LUZP2: variants seen among roughly 807,000 people sequenced by gnomAD.
LUZP2 encodes the protein leucine zipper protein 2.
A neutral mutation model predicts 51.6 loss-of-function variants in LUZP2; 52 were observed. The ratio of observed to expected loss-of-function variants is 1.01; its 90% CI spans 0.81 to 1.27. LUZP2 has a LOEUF of 1.27. Ranked by LOEUF, LUZP2 falls within the 50% of genes most tolerant of loss-of-function variation. LUZP2 has a pLI of 0.00. For synonymous variants in LUZP2, 154 were observed against 137.3 expected, an observed-to-expected ratio of 1.12 and a Z score of -0.85; for missense variants, 436 against 395.4, an observed-to-expected ratio of 1.10 and a Z score of -0.87.
At chr11:24,996,953 A>C (rs1046623672) in intron 9 of LUZP2, among the ~76,000 whole-genome samples, 15 of 150,792 alleles carry the variant, frequency 9.9e-5, no homozygotes, top group African/African-American at 2.9e-4. Context: ...TGAACTCATC[A>C]TTTTTTATGG....
chr11:24,606,141 TTATGTG>T (rs1257201463), intron 1 of LUZP2, among the ~76,000 whole-genome samples: 1 of 151,768 alleles, frequency 6.6e-6, no homozygotes, highest in African/African-American at 2.4e-5. Flanking sequence ...TACCACACAT[TTATGTG>T]TATGTGTATG....
intron 1 of LUZP2, among the ~76,000 whole-genome samples, chr11:24,502,051 A>G (rs1850010293): frequency 6.6e-6 from 1 of 152,116 alleles, no homozygotes; most frequent in Non-Finnish European, 1.5e-5. Flanking sequence ...CCTCCCCATA[A>G]CACCTACTTG....
At chr11:24,958,821 C>G (rs1036395135) in intron 7 of LUZP2, among the ~76,000 whole-genome samples, 3 of 152,226 alleles carry the variant, frequency 2.0e-5, no homozygotes, top group Non-Finnish European at 4.4e-5. Flanking sequence ...GACATGAAGT[C>G]CTTGCCCATG....
At chr11:24,825,207 A>G (rs1317624775) in intron 5 of LUZP2, among the ~76,000 whole-genome samples, 7 of 152,234 alleles carry the variant, frequency 4.6e-5, no homozygotes, top group African/African-American at 7.2e-5. Flanking sequence ...TTATGTTTCC[A>G]TGAACTGTCT....
intron 9 of LUZP2, among the ~76,000 whole-genome samples, chr11:25,043,070 G>A (rs567837347): frequency 6.6e-6 from 1 of 152,252 alleles, no homozygotes; most frequent in South Asian, 2.1e-4. Context: ...ATGGCCATCT[G>A]CAAGCTCGGA....
chr11:24,762,972 G>A, intron 4 of LUZP2: 1 of 961,150 alleles, frequency 1.0e-6, no homozygotes, highest in Non-Finnish European at 1.2e-6. Context: ...AGTTTATCCA[G>A]GCAAGAGAAT....
At chr11:24,570,785 G>A (rs1852410707) in intron 1 of LUZP2, among the ~76,000 whole-genome samples, 3 of 152,000 alleles carry the variant, frequency 2.0e-5, no homozygotes, top group Admixed American at 2.0e-4. Context: ...AAGAGGTGGA[G>A]TTCTAAATTT....
intron 9 of LUZP2, among the ~76,000 whole-genome samples, chr11:25,022,002 T>G (rs545581258): frequency 6.6e-6 from 1 of 152,194 alleles, no homozygotes; most frequent in African/African-American, 2.4e-5. Context: ...TATCACCTTC[T>G]TTTGGTTCAT....
intron 1 of LUZP2, among the ~76,000 whole-genome samples, chr11:24,602,148 A>T (rs867006457): frequency 1.2e-5 from 1 of 83,106 alleles, no homozygotes; most frequent in East Asian, 2.1e-4. Context: ...ATATGTATAT[A>T]TGTATATATG....
chr11:24,517,184 T>C (rs1409901156), intron 1 of LUZP2, among the ~76,000 whole-genome samples: 1 of 151,942 alleles, frequency 6.6e-6, no homozygotes, highest in Non-Finnish European at 1.5e-5. Flanking sequence ...TTGCTAAAGG[T>C]TAAAAATATT....
intron 1 of LUZP2, among the ~76,000 whole-genome samples, chr11:24,625,674 A>G (rs1854650565): frequency 6.6e-6 from 1 of 152,108 alleles, no homozygotes; most frequent in South Asian, 2.1e-4. Context: ...AAGTTTAAGA[A>G]ATATTCGTTT....
chr11:24,602,582 A>G (rs1055632359), intron 1 of LUZP2, among the ~76,000 whole-genome samples: 17 of 151,526 alleles, frequency 1.1e-4, no homozygotes, highest in Admixed American at 2.6e-4. Context: ...TTGTCTCACA[A>G]ATGCTTTATT....
At chr11:24,997,371 G>C (rs1379901068) in intron 9 of LUZP2, among the ~76,000 whole-genome samples, 2 of 152,200 alleles carry the variant, frequency 1.3e-5, no homozygotes, top group Admixed American at 1.3e-4. Context: ...GATGGCCAGT[G>C]ATGGTGAGCA....
intron 1 of LUZP2, among the ~76,000 whole-genome samples, chr11:24,601,234 A>G (rs1226792474): frequency 6.6e-6 from 1 of 152,060 alleles, no homozygotes; most frequent in Non-Finnish European, 1.5e-5. Context: ...AAATGGAATG[A>G]ATTTGGAAAT....
intron 1 of LUZP2, among the ~76,000 whole-genome samples, chr11:24,571,796 T>G (rs1852450845): frequency 6.6e-6 from 1 of 152,072 alleles, no homozygotes; most frequent in Admixed American, 6.6e-5. Flanking sequence ...TATCTGCTGA[T>G]TTTTACCAGG....
chr11:25,052,335 G>A (rs1031942750), intron 10 of LUZP2, among the ~76,000 whole-genome samples: 6 of 152,248 alleles, frequency 3.9e-5, no homozygotes, highest in Admixed American at 3.3e-4. Context: ...AGTGTCAACC[G>A]AAGAGTACTT....
chr11:24,955,205 TA>T (rs957254297), intron 7 of LUZP2, among the ~76,000 whole-genome samples: 39 of 151,600 alleles, frequency 2.6e-4, no homozygotes, highest in African/African-American at 8.2e-4. Flanking sequence ...TAGTGAGGAA[TA>T]AAAAAAAATT....
intron 5 of LUZP2, among the ~76,000 whole-genome samples, chr11:24,854,418 C>T (rs927178315): frequency 2.0e-5 from 3 of 152,226 alleles, no homozygotes; most frequent in Non-Finnish European, 2.9e-5. Context: ...TTTGTTTACA[C>T]TATGAGTGGA....
chr11:24,801,490 C>A (rs908399411), intron 5 of LUZP2, among the ~76,000 whole-genome samples: 1 of 151,834 alleles, frequency 6.6e-6, no homozygotes, highest in Non-Finnish European at 1.5e-5. Flanking sequence ...AAATACATGA[C>A]ATTACCACTA....
Sources: allele counts gnomAD v4.1 joint callset (sites outside exome capture counted in the v4.1 genomes callset), GRCh38; gene constraint gnomAD v4.1.1; transcripts MANE v1.5; gene names NCBI Gene and HGNC (gene_info 2026-07-23, HGNC 2026-07-21).